DRC3: variants seen among roughly 807,000 people sequenced by gnomAD.
The protein encoded by DRC3 is leucine rich repeat containing 48.
A neutral mutation model predicts 57.6 loss-of-function variants in DRC3; 45 were observed. The ratio of observed to expected loss-of-function variants is 0.78; its 90% CI spans 0.62 to 1.00. The LOEUF is 1.00. Ranked by LOEUF, DRC3 falls within the 50% of genes least tolerant of loss-of-function variation. DRC3 has a pLI of 0.00. For missense variants in DRC3, 655 were observed against 675.2 expected, an observed-to-expected ratio of 0.97 and a Z score of 0.33; for synonymous variants, 257 against 272.3, an observed-to-expected ratio of 0.94 and a Z score of 0.55.
At chr17:17,984,066 T>C (rs2042840747) in intron 4 of DRC3, 122 bp downstream of exon 4, 1 of 635,892 alleles carries the variant, frequency 1.6e-6, no homozygotes, top group Admixed American at 3.0e-5. Flanking sequence ...TTAGCCAGGG[T>C]ACGGCAGAAG....
chr17:17,980,814 C>T (rs1180217204), intron 3 of DRC3, among the ~76,000 whole-genome samples: 1 of 152,032 alleles, frequency 6.6e-6, no homozygotes, highest in African/African-American at 2.4e-5. Context: ...AAGATGGTCT[C>T]GATCTCTTGA....
chr17:17,990,999 T>A (rs536818046), intron 5 of DRC3, among the ~76,000 whole-genome samples: 2 of 151,706 alleles, frequency 1.3e-5, no homozygotes, highest in African/African-American at 4.9e-5. Context: ...CTAAAAAAAA[T>A]AATAATAAAT....
intron 4 of DRC3, 89 bp downstream of exon 4, chr17:17,984,033 G>T: frequency 2.5e-6 from 2 of 793,854 alleles, no homozygotes; most frequent in Non-Finnish European, 2.1e-6. Context: ...AATTGTGTGC[G>T]ACACTCAGCT....
At chr17:18,012,388 A>T (rs1180341722) in intron 12 of DRC3, among the ~76,000 whole-genome samples, 1 of 152,152 alleles carries the variant, frequency 6.6e-6, no homozygotes, top group Admixed American at 6.6e-5. Context: ...TACATGTAAG[A>T]CCTGAAACTG....
intron 12 of DRC3, chr17:18,007,523 G>A (rs993667884): frequency 3.4e-5 from 52 of 1,541,416 alleles, no homozygotes; most frequent in Non-Finnish European, 4.4e-5. Context: ...TGTATAATGA[G>A]TACTGTGGGG....
Position 18,014,174 on chromosome 17 carries a change from G to A in DRC3, c.1327-1890G>A, listed in dbSNP as rs1467981759. Among the ~76,000 whole-genome samples the A allele has an allele frequency of 4.6e-5, 7 of 152,240 alleles. No homozygotes were observed. The East Asian group carries it at 5.8e-4, about 13-fold the overall frequency. On this transcript the variant is annotated intron_variant, in intron 12 of 13. Transcript: ENST00000399187. ...ACTGAGGTGATCCACCCACCTTCCC[G>A]CCTTGGCCTCCCAAAGTGCTGAGAT...
intron 12 of DRC3, chr17:18,010,946 T>TTTTTG (rs537313149): frequency 3.3e-5 from 8 of 242,996 alleles, no homozygotes; most frequent in African/African-American, 1.7e-4. Flanking sequence ...GAGGTTTTTT[T>TTTTTG]TTTGTTTGTT....
intron 12 of DRC3, among the ~76,000 whole-genome samples, chr17:18,012,060 C>T (rs1354257597): frequency 1.3e-5 from 2 of 152,174 alleles, no homozygotes; most frequent in East Asian, 1.9e-4. Context: ...AACTCCTGAC[C>T]TCAAGTGATC....
Position 18,006,209 on chromosome 17 carries a change from C to T in DRC3, c.1158C>T (p.Asn386=), listed in dbSNP as rs1245789578. 1.2e-6 allele frequency: 2 copies of T among 1,612,162 alleles called. No homozygotes were observed. The highest frequency in any genetic ancestry group is 2.7e-5 in the African/African-American group (2 of 74,884). ...AGACTATAAACATGTTTGAAAGGAA[C>T]ATTGTTGACATGGTAGGACTGTTTA... ...LEETINMFER[N]IVDMVGLFIE... Residue 386 remains asparagine (N), a synonymous_variant, in exon 11 of 14, where the codon AAC becomes AAT. Coordinates refer to ENST00000399187, the MANE Select transcript of DRC3 (RefSeq NM_031294.4).
chr17:18,001,672 T>C (rs1244181690), intron 9 of DRC3, among the ~76,000 whole-genome samples: 1 of 152,124 alleles, frequency 6.6e-6, no homozygotes, highest in African/African-American at 2.4e-5. Flanking sequence ...GGTTCACAAC[T>C]GTAATCCCAG....
intron 5 of DRC3, among the ~76,000 whole-genome samples, chr17:17,991,235 T>C (rs967692429): frequency 4.6e-5 from 7 of 151,790 alleles, no homozygotes; most frequent in Non-Finnish European, 1.0e-4. Flanking sequence ...GATTTTTTTT[T>C]CTATCTTTTG....
intron 8 of DRC3, among the ~76,000 whole-genome samples, chr17:17,996,179 C>T (rs2043451152): frequency 6.6e-6 from 1 of 152,196 alleles, no homozygotes; most frequent in Non-Finnish European, 1.5e-5. Context: ...CGCCACCACA[C>T]CTGGCTAATT....
In DRC3 at chr17:17,983,937, C is replaced by G. The variant is rs1162843266; in HGVS notation, c.270C>G (p.Val90=). The change falls in exon 4 of 14, where the codon GTC becomes GTG. Residue 90 remains valine, a synonymous_variant. Coordinates refer to ENST00000399187, the MANE Select transcript of DRC3 (RefSeq NM_031294.4). ...IEGLENLAHL[V]WLDLSFNNIE... Reference sequence around the variant, plus strand: ...GCCTGGAGAACCTCGCACACCTGGTCTGGCTGGGTAAGGCCCTTTCCTCTG... The same window carrying G: ...GCCTGGAGAACCTCGCACACCTGGTGTGGCTGGGTAAGGCCCTTTCCTCTG... The G allele has an allele frequency of 6.2e-7, 1 of 1,608,838 alleles. No individual in the cohort carries two copies. The highest frequency in any genetic ancestry group is 1.1e-5 in the South Asian group (1 of 90,876).
At chr17:17,978,810 C>T (rs1455010525) in intron 3 of DRC3, among the ~76,000 whole-genome samples, 2 of 152,202 alleles carry the variant, frequency 1.3e-5, no homozygotes, top group African/African-American at 4.8e-5. Context: ...TGTTTCCCCT[C>T]CCCAACCTGA....
At chr17:17,978,029 G>A (rs572950612) in intron 3 of DRC3, 11 of 335,244 alleles carry the variant, frequency 3.3e-5, no homozygotes, top group African/African-American at 2.4e-4. Context: ...ATCTAAGTGA[G>A]CCCCCAAGAC....
rs529772119 is a variant in DRC3 at position 17,997,130 on chromosome 17, C to T, written c.825-330C>T. The stretch of plus-strand genomic sequence containing the variant: ...GCAGGCCCCCAGGGTCCCCAGGCCT[C>T]TCTTCTGGGGCCTCTCTGAGCATGT... On this transcript the variant is annotated intron_variant, in intron 8 of 13. Transcript: ENST00000399187. Among the ~76,000 whole-genome samples the T allele has an allele frequency of 1.7e-4, 26 of 152,332 alleles. No homozygotes were observed. In the South Asian group the frequency reaches 5.0e-3, roughly 29 times the overall value.
chr17:17,987,480 C>A (rs1221410298), intron 4 of DRC3, among the ~76,000 whole-genome samples: 2 of 152,136 alleles, frequency 1.3e-5, no homozygotes, highest in Non-Finnish European at 2.9e-5. Flanking sequence ...AACTACCACT[C>A]AGGGCTGCTG....
At chr17:18,000,339 G>A (rs1326772072) in intron 9 of DRC3, among the ~76,000 whole-genome samples, 1 of 143,692 alleles carries the variant, frequency 7.0e-6, no homozygotes, top group African/African-American at 2.7e-5. Flanking sequence ...GCCCTGTTCT[G>A]TACTTTGCTT....
chr17:18,007,617 C>T (rs1022221302), intron 12 of DRC3: 5 of 1,417,546 alleles, frequency 3.5e-6, no homozygotes, highest in African/African-American at 2.9e-5. Flanking sequence ...ACAAAATCAG[C>T]AGGGTCGGCC....
Sources: allele counts gnomAD v4.1 joint callset (sites outside exome capture counted in the v4.1 genomes callset), GRCh38; gene constraint gnomAD v4.1.1; transcripts MANE v1.5; gene names NCBI Gene and HGNC (gene_info 2026-07-23, HGNC 2026-07-21).